Variants in PCDHGB5 observed in about 807,000 individuals in gnomAD.
PCDHGB5 encodes the protein protocadherin gamma-B5.
Under a neutral mutation model 62.9 loss-of-function variants are expected in PCDHGB5, and 48 were observed. The observed-to-expected ratio is 0.76, with a 90% CI of 0.61 to 0.97. PCDHGB5 has a LOEUF of 0.97. Among genes scored for constraint, PCDHGB5 ranks in the 50% least tolerant of loss-of-function variants. PCDHGB5 has a pLI of 0.00. For missense variants in PCDHGB5, 1,118 were observed against 1,198.6 expected, an observed-to-expected ratio of 0.93 and a Z score of 0.99; for synonymous variants, 474 against 511.2, an observed-to-expected ratio of 0.93 and a Z score of 0.98.
At chr5:141,478,087 C>T in intron 1 of PCDHGB5, 1 of 1,614,134 alleles carries the variant, frequency 6.2e-7, no homozygotes, top group East Asian at 2.2e-5. Flanking sequence ...CTTCGCTCTC[C>T]ACCACTGCTA....
In PCDHGB5 at chr5:141,487,743, G is replaced by C. The variant is rs1424889718; in HGVS notation, c.2398-7064G>C. The C allele has an allele frequency of 1.9e-6, 3 of 1,559,988 alleles. No homozygotes were observed. Among genetic ancestry groups the C allele is most frequent in the Non-Finnish European group, 2.6e-6 (3 of 1,150,774 alleles). ...AGTGATGTCACCATTTTTGTAAGAG[G>C]TAACTATGTGGTAGACGCTGTGCTT... On this transcript the variant is annotated intron_variant, in intron 1 of 3. Transcript: ENST00000617380. The surrounding 1 kb of genome is among the most constrained non-coding windows in gnomAD (Gnocchi z 5.0).
chr5:141,501,706 T>TA (rs2099810629), intron 2 of PCDHGB5, among the ~76,000 whole-genome samples: 1 of 152,094 alleles, frequency 6.6e-6, no homozygotes, highest in South Asian at 2.1e-4. Flanking sequence ...ATTCCGAGGA[T>TA]AAAAAAGACA....
intron 1 of PCDHGB5, among the ~76,000 whole-genome samples, chr5:141,474,463 T>C (rs1447737626): frequency 6.6e-6 from 1 of 152,228 alleles, no homozygotes; most frequent in Admixed American, 6.5e-5. Flanking sequence ...GCTATACTCT[T>C]TATTCTAAAT....
intron 1 of PCDHGB5, chr5:141,492,055 G>C (rs1335131646): frequency 4.1e-6 from 2 of 493,506 alleles, no homozygotes; most frequent in Non-Finnish European, 7.1e-6. Flanking sequence ...CACCCCTGCA[G>C]CCAGCCTCCT....
At chr5:141,409,708 G>C (rs2095304272) in intron 1 of PCDHGB5, 5 of 1,613,088 alleles carry the variant, frequency 3.1e-6, no homozygotes, top group Non-Finnish European at 1.7e-6. Context: ...TGGCGGTGTC[G>C]TCATACGTGT....
At position 141,476,638 on chromosome 5, in the gene PCDHGB5, G is replaced by A. The variant is rs997136356; in HGVS notation, c.2398-18169G>A. On this transcript the variant is annotated intron_variant, in intron 1 of 3. Transcript: ENST00000617380. This position sits in a 1 kb window ranked among gnomAD's most constrained non-coding sequence, Gnocchi z 7.6. ...GCAACTCTTTACAAACCTATGAGCT[G>A]AGCCGAAATGAATACTTTGCGCTTC... 1.9e-6 allele frequency: 3 copies of A among 1,614,268 alleles called. No homozygotes were observed. Among genetic ancestry groups the A allele is most frequent in the Middle Eastern group, 1.6e-4 (1 of 6,062 alleles).
At position 141,489,635 on chromosome 5, in the gene PCDHGB5, G is replaced by A. The variant is rs1380466520; in HGVS notation, c.2398-5172G>A. On this transcript the variant is annotated intron_variant, in intron 1 of 3. Coordinates refer to ENST00000617380, the MANE Select transcript of PCDHGB5 (RefSeq NM_018925.3). The surrounding 1 kb of genome is among the most constrained non-coding windows in gnomAD (Gnocchi z 4.5). Reference sequence around the variant, plus strand: ...CTGGATCTCAATGACAACTCTCCTAGCTTTGCCACCCCTGAGCGAGAGATG... The same window carrying A: ...CTGGATCTCAATGACAACTCTCCTAACTTTGCCACCCCTGAGCGAGAGATG... 6.2e-7 allele frequency: 1 copy of A among 1,614,142 alleles called. No individual in the cohort carries two copies. The highest frequency in any genetic ancestry group is 8.5e-7 in the Non-Finnish European group (1 of 1,180,012).
chr5:141,410,617 T>A, intron 1 of PCDHGB5: 2 of 1,603,978 alleles, frequency 1.2e-6, no homozygotes, highest in Non-Finnish European at 1.7e-6. Flanking sequence ...AGACTCTGAC[T>A]TCGGTGAGTT....
chr5:141,428,797 G>A (rs2097161930), intron 1 of PCDHGB5: 1 of 152,310 alleles, frequency 6.6e-6, no homozygotes, highest in Admixed American at 6.5e-5. Context: ...TTCTGTGTGG[G>A]CCAGTAACTT....
At chr5:141,507,858 AC>A (rs2099864314) in intron 3 of PCDHGB5, among the ~76,000 whole-genome samples, 1 of 151,748 alleles carries the variant, frequency 6.6e-6, no homozygotes, top group African/African-American at 2.4e-5. Flanking sequence ...TCACTTTCAC[AC>A]CCGCTTCCTA....
chr5:141,509,233 AG>A (rs1204393769), intron 3 of PCDHGB5, among the ~76,000 whole-genome samples: 1 of 152,104 alleles, frequency 6.6e-6, no homozygotes, highest in Non-Finnish European at 1.5e-5. Context: ...TTGATGTCCC[AG>A]GATTACTCAG....
intron 1 of PCDHGB5, among the ~76,000 whole-genome samples, chr5:141,492,490 G>C (rs2099741140): frequency 6.6e-6 from 1 of 152,208 alleles, no homozygotes; most frequent in Non-Finnish European, 1.5e-5. Context: ...CCAGGACCAG[G>C]CGAGGACTCC....
chr5:141,509,572 G>T (rs955898202), intron 3 of PCDHGB5, among the ~76,000 whole-genome samples: 24 of 152,300 alleles, frequency 1.6e-4, no homozygotes, highest in Middle Eastern at 3.4e-3. Context: ...CCTTCACAGT[G>T]CGTACAAATC....
At chr5:141,469,372 C>A (rs780872014) in intron 1 of PCDHGB5, among the ~76,000 whole-genome samples, 1 of 151,990 alleles carries the variant, frequency 6.6e-6, no homozygotes, top group East Asian at 1.9e-4. Context: ...GTAAAGAGAT[C>A]GAGACCATCC....
chr5:141,422,349 T>G, intron 1 of PCDHGB5: 1 of 1,554,722 alleles, frequency 6.4e-7, no homozygotes, highest in South Asian at 1.3e-5. Flanking sequence ...ATGTGCAAGA[T>G]CAAGATTCTG....
At chr5:141,465,833 T>A (rs2099110537) in intron 1 of PCDHGB5, among the ~76,000 whole-genome samples, 1 of 152,002 alleles carries the variant, frequency 6.6e-6, no homozygotes, top group Non-Finnish European at 1.5e-5. Context: ...GTTTAAAATT[T>A]CAACTGAGGC....
Position 141,486,979 on chromosome 5 carries a change from C to T in PCDHGB5, c.2398-7828C>T. On this transcript the variant is annotated intron_variant, in intron 1 of 3. Transcript: ENST00000617380. This position sits in a 1 kb window ranked among gnomAD's most constrained non-coding sequence, Gnocchi z 5.0. ...CTGCTGTGGACTTGGATTCAGGTTACAATGCTTGGGTTTCCTATCAGCTCC... is the reference window on the plus strand; with the variant it reads ...CTGCTGTGGACTTGGATTCAGGTTATAATGCTTGGGTTTCCTATCAGCTCC... 6.2e-7 allele frequency: 1 copy of T among 1,614,200 alleles called. No individual in the cohort carries two copies. Among genetic ancestry groups the T allele is most frequent in the Non-Finnish European group, 8.5e-7 (1 of 1,180,032 alleles).
intron 1 of PCDHGB5, chr5:141,419,707 C>T (rs781629810): frequency 4.6e-5 from 74 of 1,613,062 alleles, no homozygotes; most frequent in Middle Eastern, 1.7e-4. Flanking sequence ...AGCCCGGGCT[C>T]TTCAGCCTGG....
At position 141,486,671 on chromosome 5, in the gene PCDHGB5, C is replaced by G. The variant is rs1307620045; in HGVS notation, c.2398-8136C>G. 24 of 1,613,926 alleles carry G rather than the reference C, an allele frequency of 1.5e-5. No homozygotes were observed. The highest frequency in any genetic ancestry group is 2.7e-5 in the African/African-American group (2 of 74,932). Reference sequence around the variant, plus strand: ...CTACTCACTCCTGGAGCCCAGGAATCGAGATGTATCAGCTTCCTCTTTCAT... The same window carrying G: ...CTACTCACTCCTGGAGCCCAGGAATGGAGATGTATCAGCTTCCTCTTTCAT... On this transcript the variant is annotated intron_variant, in intron 1 of 3. Transcript: ENST00000617380. The surrounding 1 kb of genome is among the most constrained non-coding windows in gnomAD (Gnocchi z 5.0).
Sources: gnomAD v4.1 joint callset for allele counts (sites outside exome capture counted in the v4.1 genomes callset) on GRCh38, gnomAD v4.1.1 for gene constraint, Gnocchi (gnomAD v3.1) non-coding constraint, MANE v1.5 for transcripts, NCBI Gene and HGNC (gene_info 2026-07-23, HGNC 2026-07-21) for gene names.